The following WWOX variants were observed in gnomAD, a reference collection of about 807,000 sequenced individuals.
The protein encoded by WWOX is WW domain containing oxidoreductase, also known as WW domain-containing oxidoreductase.
In WWOX, 69 loss-of-function variants were observed where a neutral mutation model predicts 46.2. That is an observed-to-expected ratio of 1.49 (90% CI 1.23 to 1.82). The LOEUF (loss-of-function observed/expected upper bound fraction) is 1.82. Ranked by LOEUF, WWOX falls within the 40% of genes most tolerant of loss-of-function variation. The probability of loss-of-function intolerance (pLI) is 0.00; values close to 1 mark genes in which losing one functional copy is unlikely to be tolerated. For synonymous variants in WWOX, 359 were observed against 202.6 expected (o/e 1.77, Z -6.56); for missense variants, 919 against 542.6 (o/e 1.69, Z -6.89).
rs559505050 is a variant in WWOX, at chr16:78,291,371, G to T, written c.517-95489G>T. On this transcript the variant is annotated intron_variant, in intron 5 of 8. Coordinates refer to ENST00000566780, the MANE Select transcript of WWOX (RefSeq NM_016373.4). ...ACAGCATATTTGTGGTTAATTGGCTGAACATGTTCTATAATTATAATTATA... is the reference window on the plus strand; with the variant it reads ...ACAGCATATTTGTGGTTAATTGGCTTAACATGTTCTATAATTATAATTATA... 1.3e-4 allele frequency among the ~76,000 whole-genome samples: 20 copies of T among 152,288 alleles called. No individual in the cohort carries two copies. The South Asian group carries it at 4.1e-3, about 32-fold the overall frequency.
intron 8 of WWOX, among the ~76,000 whole-genome samples, chr16:78,667,934 A>T (rs867856892): frequency 5.9e-5 from 9 of 151,926 alleles, no homozygotes; most frequent in African/African-American, 2.2e-4. Context: ...GTCACATCAC[A>T]CTCTGTGCTG....
At chr16:78,564,407 A>G (rs1002855458) in intron 8 of WWOX, among the ~76,000 whole-genome samples, 2 of 152,178 alleles carry the variant, frequency 1.3e-5, no homozygotes, top group Non-Finnish European at 2.9e-5. Flanking sequence ...CTGTCTCAGG[A>G]AGCATGAACA....
At chr16:79,018,719 T>C (rs568182282) in intron 8 of WWOX, among the ~76,000 whole-genome samples, 1 of 152,338 alleles carries the variant, frequency 6.6e-6, no homozygotes, top group East Asian at 1.9e-4. Context: ...AGTGATTGAT[T>C]CTGCAGAGCC....
chr16:78,457,766 T>G (rs1251792228), intron 8 of WWOX, among the ~76,000 whole-genome samples: 1 of 151,534 alleles, frequency 6.6e-6, no homozygotes, highest in African/African-American at 2.4e-5. Flanking sequence ...ATACAAAAAT[T>G]ATAGCTGGGC....
intron 8 of WWOX, among the ~76,000 whole-genome samples, chr16:78,689,616 G>C (rs932103156): frequency 6.6e-6 from 1 of 152,102 alleles, no homozygotes; most frequent in African/African-American, 2.4e-5. Flanking sequence ...CAAAAATCCT[G>C]CTAACTTGGT....
At position 78,638,196 on chromosome 16, in the gene WWOX, C is replaced by T. The variant is rs140730900; in HGVS notation, c.1056+205444C>T. Among the ~76,000 whole-genome samples the T allele has an allele frequency of 6.6e-5, 10 of 152,286 alleles. No individual in the cohort carries two copies. In the East Asian group the frequency reaches 1.5e-3, roughly 24 times the overall value. Reference sequence around the variant, plus strand: ...TGACAGTTTAAAAAACAGGAATGCTCGATTTGTATTCCCATTTTGCAGACA... The same window carrying T: ...TGACAGTTTAAAAAACAGGAATGCTTGATTTGTATTCCCATTTTGCAGACA... On this transcript the variant is annotated intron_variant, in intron 8 of 8. Coordinates refer to ENST00000566780, the MANE Select transcript of WWOX (RefSeq NM_016373.4).
chr16:78,267,250 G>T (rs2079386584), intron 5 of WWOX: 1 of 152,140 alleles, frequency 6.6e-6, no homozygotes, highest in African/African-American at 2.4e-5. Context: ...CGTAATTTTT[G>T]TATCTAAGAA....
chr16:78,915,726 C>A (rs969809644), intron 8 of WWOX, among the ~76,000 whole-genome samples: 1 of 152,140 alleles, frequency 6.6e-6, no homozygotes, highest in Non-Finnish European at 1.5e-5. Flanking sequence ...AGTTCTCATC[C>A]CGTCATCTGC....
intron 8 of WWOX, among the ~76,000 whole-genome samples, chr16:78,443,286 C>G (rs2083486577): frequency 6.6e-6 from 1 of 151,770 alleles, no homozygotes. Context: ...GCCTGGGTGA[C>G]AGAGTGAGAC....
At chr16:79,010,945 C>T (rs1307065183) in intron 8 of WWOX, among the ~76,000 whole-genome samples, 1 of 151,908 alleles carries the variant, frequency 6.6e-6, no homozygotes, top group Non-Finnish European at 1.5e-5. Context: ...GCTTTGGTTT[C>T]TACTTGGAGA....
At chr16:79,021,482 T>C (rs2047531953) in intron 8 of WWOX, among the ~76,000 whole-genome samples, 1 of 152,136 alleles carries the variant, frequency 6.6e-6, no homozygotes, top group Non-Finnish European at 1.5e-5. Flanking sequence ...GTCAAAATAT[T>C]AACTCATGGG....
At chr16:78,421,768 A>G (rs2082937972) in intron 6 of WWOX, among the ~76,000 whole-genome samples, 1 of 152,220 alleles carries the variant, frequency 6.6e-6, no homozygotes, top group Non-Finnish European at 1.5e-5. Flanking sequence ...TTTTACAGTC[A>G]TGTGCTGACA....
intron 8 of WWOX, among the ~76,000 whole-genome samples, chr16:78,765,216 G>A (rs1450768040): frequency 2.0e-5 from 3 of 152,354 alleles, no homozygotes; most frequent in South Asian, 2.1e-4. Context: ...CCTGGCAGAG[G>A]ATCCAGCACG....
At chr16:78,600,239 G>A (rs1425824185) in intron 8 of WWOX, among the ~76,000 whole-genome samples, 1 of 152,002 alleles carries the variant, frequency 6.6e-6, no homozygotes, top group Non-Finnish European at 1.5e-5. Context: ...AATTGTGGGA[G>A]CGACAGTTCA....
chr16:78,962,292 G>A (rs77361643), intron 8 of WWOX, among the ~76,000 whole-genome samples: 29 of 121,972 alleles, frequency 2.4e-4, no homozygotes, highest in African/African-American at 9.6e-4. Context: ...TTTGGAGTCA[G>A]CAAGGCATCC....
chr16:78,959,243 A>G (rs2046227564), intron 8 of WWOX, among the ~76,000 whole-genome samples: 1 of 152,224 alleles, frequency 6.6e-6, no homozygotes, highest in Non-Finnish European at 1.5e-5. Flanking sequence ...ATAATATTGT[A>G]CAGACTTAGA....
chr16:78,686,131 G>C (rs1404072222), intron 8 of WWOX, among the ~76,000 whole-genome samples: 1 of 152,172 alleles, frequency 6.6e-6, no homozygotes, highest in East Asian at 1.9e-4. Flanking sequence ...TTCACTGGAA[G>C]TTTTTTCCTT....
intron 8 of WWOX, among the ~76,000 whole-genome samples, chr16:78,809,467 T>C (rs1000544259): frequency 2.0e-5 from 3 of 152,170 alleles, no homozygotes; most frequent in Non-Finnish European, 2.9e-5. Flanking sequence ...CAGGTTAATA[T>C]TAAAGTTGAA....
At position 78,099,896 on chromosome 16, in the gene WWOX, C is replaced by A; in HGVS notation, c.107+11C>A. The A allele has an allele frequency of 6.4e-7, 1 of 1,555,524 alleles. No individual in the cohort carries two copies. The highest frequency in any genetic ancestry group is 8.7e-7 in the Non-Finnish European group (1 of 1,150,452). On this transcript the variant is annotated intron_variant, in intron 1 of 8. Transcript: ENST00000566780. ...GGTTTACTACGCCAAGTAAGGGGGCCGCAGTGGGGCCGCGGACGCACCTGG... is the reference window on the plus strand; with the variant it reads ...GGTTTACTACGCCAAGTAAGGGGGCAGCAGTGGGGCCGCGGACGCACCTGG...
Sources: allele counts gnomAD v4.1 joint callset (sites outside exome capture counted in the v4.1 genomes callset), GRCh38; gene constraint gnomAD v4.1.1; transcripts MANE v1.5; gene names NCBI Gene and HGNC (gene_info 2026-07-23, HGNC 2026-07-21).